SUMF1: variants seen among roughly 807,000 people sequenced by gnomAD.
SUMF1 encodes the protein sulfatase modifying factor 1, also known as formylglycine-generating enzyme.
Under a neutral mutation model 47.6 loss-of-function variants are expected in SUMF1, and 48 were observed. The observed-to-expected ratio is 1.01, with a 90% CI of 0.80 to 1.28. The LOEUF (loss-of-function observed/expected upper bound fraction) is 1.28. Among genes scored for constraint, SUMF1 ranks in the 50% most tolerant of loss-of-function variants. SUMF1 has a pLI of 0.00. For synonymous variants in SUMF1, 230 were observed against 192.1 expected (o/e 1.20, Z -1.63); for missense variants, 571 against 485.4 (o/e 1.18, Z -1.66).
intron 8 of SUMF1, among the ~76,000 whole-genome samples, chr3:4,215,428 A>G (rs1223217402): frequency 6.6e-6 from 1 of 152,340 alleles, no homozygotes; most frequent in Non-Finnish European, 1.5e-5. Context: ...ACAAACCCAC[A>G]GCCAATATCA....
At chr3:4,094,463 G>A (rs1692857169) in intron 8 of SUMF1, among the ~76,000 whole-genome samples, 1 of 152,040 alleles carries the variant, frequency 6.6e-6, no homozygotes, top group Admixed American at 6.6e-5. Flanking sequence ...AGTGAAAAAT[G>A]ACTTCCAACT....
chr3:4,263,313 A>T (rs952530572), intron 8 of SUMF1, among the ~76,000 whole-genome samples: 2 of 152,328 alleles, frequency 1.3e-5, no homozygotes, highest in Non-Finnish European at 2.9e-5. Context: ...CTGCTTCATG[A>T]AATTGTCTCG....
intron 3 of SUMF1, among the ~76,000 whole-genome samples, chr3:4,435,348 C>T (rs372035270): frequency 2.5e-4 from 38 of 152,194 alleles, no homozygotes; most frequent in African/African-American, 8.4e-4. Flanking sequence ...AGAAGGTACA[C>T]AATCTGAAGA....
At chr3:4,335,437 TTACCTG>T in intron 8 of SUMF1, among the ~76,000 whole-genome samples, 1 of 152,292 alleles carries the variant, frequency 6.6e-6, no homozygotes, top group East Asian at 1.9e-4. Context: ...AATCAGCCTC[TTACCTG>T]GAGATGGGGT....
At chr3:4,234,085 C>G (rs981666781) in intron 8 of SUMF1, among the ~76,000 whole-genome samples, 2 of 152,046 alleles carry the variant, frequency 1.3e-5, no homozygotes, top group Non-Finnish European at 2.9e-5. Flanking sequence ...TCAAAAGATG[C>G]ACAATGCTAA....
In SUMF1 at chr3:4,074,897, C is replaced by T. The variant is rs377558741; in HGVS notation, c.1015-6152G>A. ...AGTCCAGGACCAGATGGATTCAGAACCAAATTCCACCAGACGTACAAAAAG... is the reference window on the plus strand; with the variant it reads ...AGTCCAGGACCAGATGGATTCAGAATCAAATTCCACCAGACGTACAAAAAG... On this transcript the variant is annotated intron_variant and NMD_transcript_variant, in intron 8 of 12. Coordinates refer to the SUMF1 transcript ENST00000448413. 2.8e-4 allele frequency among the ~76,000 whole-genome samples: 42 copies of T among 152,150 alleles called. 1 individual carries two copies. Among genetic ancestry groups the T allele is most frequent in the African/African-American group, 9.4e-4 (39 of 41,456 alleles).
intron 9 of SUMF1, among the ~76,000 whole-genome samples, chr3:4,052,313 C>G (rs1276365542): frequency 2.2e-4 from 33 of 152,172 alleles, no homozygotes. Flanking sequence ...CTTCCAGTAT[C>G]ATCACATTAG....
intron 8 of SUMF1, among the ~76,000 whole-genome samples, chr3:4,322,056 G>A (rs1698847963): frequency 6.6e-6 from 1 of 152,112 alleles, no homozygotes; most frequent in Non-Finnish European, 1.5e-5. Context: ...TTTAAATACA[G>A]GGTCATCTAC....
intron 8 of SUMF1, among the ~76,000 whole-genome samples, chr3:4,331,954 G>A (rs1699060461): frequency 6.6e-6 from 1 of 152,106 alleles, no homozygotes; most frequent in Non-Finnish European, 1.5e-5. Flanking sequence ...CTAATCAATA[G>A]ACTCAGACAA....
In SUMF1 at chr3:4,442,069, C is replaced by T. The variant is rs75949522; in HGVS notation, c.519+7197G>A. ...GGGCAGGAGAAAGAAAAGAAAGCAACAGGAAATCAGACCTGTGAAAAGGAA... is the reference window on the plus strand; with the variant it reads ...GGGCAGGAGAAAGAAAAGAAAGCAATAGGAAATCAGACCTGTGAAAAGGAA... On this transcript the variant is annotated intron_variant, in intron 3 of 8. Coordinates refer to ENST00000272902, the MANE Select transcript of SUMF1 (RefSeq NM_182760.4). Among the ~76,000 whole-genome samples the T allele has an allele frequency of 9.3e-4, 142 of 152,212 alleles. 2 individuals carry two copies. The East Asian group carries it at 0.026, about 28-fold the overall frequency.
intron 3 of SUMF1, among the ~76,000 whole-genome samples, chr3:4,423,621 T>C (rs557939905): frequency 1.3e-5 from 2 of 152,324 alleles, no homozygotes; most frequent in African/African-American, 4.8e-5. Flanking sequence ...ATTGGTATAT[T>C]AAATAGTTTT....
At chr3:4,302,690 G>C (rs1697999854) in intron 8 of SUMF1, among the ~76,000 whole-genome samples, 1 of 152,034 alleles carries the variant, frequency 6.6e-6, no homozygotes, top group South Asian at 2.1e-4. Context: ...TTTTATTTTT[G>C]GTTTACAGTT....
At chr3:4,397,449 G>A (rs1701075082) in intron 7 of SUMF1, among the ~76,000 whole-genome samples, 1 of 152,196 alleles carries the variant, frequency 6.6e-6, no homozygotes, top group South Asian at 2.1e-4. Context: ...AGTCTCACTA[G>A]GGATCTATCA....
rs142980404 is a variant in SUMF1, at chr3:4,041,386, A to G, written c.1191+27183T>C. On this transcript the variant is annotated intron_variant and NMD_transcript_variant, in intron 9 of 12. Coordinates refer to the SUMF1 transcript ENST00000448413. Reference sequence around the variant, plus strand: ...AGCACCCAGTCAACCATTCTTTATGATGATATATCAGGTGACTTACTTTTT... The same window carrying G: ...AGCACCCAGTCAACCATTCTTTATGGTGATATATCAGGTGACTTACTTTTT... Among the ~76,000 whole-genome samples the G allele has an allele frequency of 3.9e-5, 6 of 152,196 alleles. No homozygotes were observed. In the East Asian group the frequency reaches 1.2e-3, roughly 29 times the overall value.
intron 8 of SUMF1, among the ~76,000 whole-genome samples, chr3:4,164,185 G>C (rs575975143): frequency 6.6e-6 from 1 of 152,132 alleles, no homozygotes; most frequent in Non-Finnish European, 1.5e-5. Flanking sequence ...AATTACAACT[G>C]AGGAGGTGGG....
chr3:4,034,564 C>A (rs1466266744), intron 9 of SUMF1, among the ~76,000 whole-genome samples: 5 of 152,092 alleles, frequency 3.3e-5, no homozygotes, highest in Admixed American at 6.6e-5. Flanking sequence ...ATTGCAGAAG[C>A]CCAGAATCTG....
At position 4,175,327 on chromosome 3, in the gene SUMF1, A is replaced by T. The variant is rs185394618; in HGVS notation, c.1015-106582T>A. Among the ~76,000 whole-genome samples, 80 of 152,022 alleles carry T rather than the reference A, an allele frequency of 5.3e-4. No individual in the cohort carries two copies. The Middle Eastern group carries it at 0.01, about 19-fold the overall frequency. On this transcript the variant is annotated intron_variant and NMD_transcript_variant, in intron 8 of 12. Coordinates refer to the SUMF1 transcript ENST00000448413. The stretch of plus-strand genomic sequence containing the variant: ...CAGCCAGCTGCCCCTCTGAGATGAA[A>T]CTTCCAGAGGAAGGATCAGGCAGCA...
intron 8 of SUMF1, among the ~76,000 whole-genome samples, chr3:4,201,774 C>T (rs886653885): frequency 3.3e-5 from 5 of 151,964 alleles, no homozygotes; most frequent in African/African-American, 4.8e-5. Flanking sequence ...TACGAGGGTT[C>T]CCTTTTCTCC....
intron 8 of SUMF1, among the ~76,000 whole-genome samples, chr3:4,275,220 G>A (rs1697387508): frequency 6.6e-6 from 1 of 152,054 alleles, no homozygotes; most frequent in African/African-American, 2.4e-5. Flanking sequence ...TAGTTAGAAC[G>A]ACTTCAGCTC....
Sources: gnomAD v4.1 joint callset for allele counts (sites outside exome capture counted in the v4.1 genomes callset) on GRCh38, gnomAD v4.1.1 for gene constraint, MANE v1.5 for transcripts, NCBI Gene and HGNC (gene_info 2026-07-23, HGNC 2026-07-21) for gene names.